Variants in SOX5 observed in about 807,000 individuals in gnomAD.
SOX5 encodes the protein transcription factor SOX-5.
In SOX5, 9 loss-of-function variants were observed where a neutral mutation model predicts 92.0. The ratio of observed to expected loss-of-function variants is 0.10; its 90% CI spans 0.06 to 0.17. The LOEUF (loss-of-function observed/expected upper bound fraction) is 0.17, where lower values mean the gene tolerates loss of function less well. SOX5 is among the 10% of genes least tolerant of loss of function. The pLI, the probability that SOX5 is intolerant of heterozygous loss-of-function variation, is 1.00. For synonymous variants in SOX5, 344 were observed against 336.3 expected, an observed-to-expected ratio of 1.02 and a Z score of -0.25; for missense variants, 642 against 944.5, an observed-to-expected ratio of 0.68 and a Z score of 4.20.
At chr12:24,486,898 TC>T (rs2137898359) in intron 1 of SOX5, among the ~76,000 whole-genome samples, 1 of 152,218 alleles carries the variant, frequency 6.6e-6, no homozygotes, top group East Asian at 1.9e-4. Context: ...TTGATGTTGA[TC>T]CCAGTAGCAA....
chr12:24,451,118 ACAGG>A (rs1450536871), intron 1 of SOX5, among the ~76,000 whole-genome samples: 1 of 152,246 alleles, frequency 6.6e-6, no homozygotes, highest in Admixed American at 6.5e-5. Flanking sequence ...GCTGCAAATG[ACAGG>A]ATCTCATCCT....
chr12:23,798,991 G>A (rs912021736), intron 3 of SOX5, among the ~76,000 whole-genome samples: 9 of 151,942 alleles, frequency 5.9e-5, no homozygotes, highest in Non-Finnish European at 1.3e-4. Context: ...ATTGGTTCAT[G>A]AAAATTGTCA....
At chr12:23,973,660 A>G (rs1243244437) in intron 4 of SOX5, among the ~76,000 whole-genome samples, 1 of 152,112 alleles carries the variant, frequency 6.6e-6, no homozygotes, top group Admixed American at 6.5e-5. Flanking sequence ...GATATACCAA[A>G]TCCTGTATAC....
At chr12:23,619,785 A>G (rs375054913) in intron 8 of SOX5, among the ~76,000 whole-genome samples, 10 of 152,138 alleles carry the variant, frequency 6.6e-5, no homozygotes, top group East Asian at 3.8e-4. Context: ...TTTCTTCTCA[A>G]TTTGATATGT....
At chr12:24,111,700 A>G (rs1947367126) in intron 4 of SOX5, among the ~76,000 whole-genome samples, 3 of 152,170 alleles carry the variant, frequency 2.0e-5, no homozygotes, top group Admixed American at 2.0e-4. Context: ...TCGTCAAATT[A>G]TCAAAGCTGA....
intron 6 of SOX5, among the ~76,000 whole-genome samples, chr12:23,728,563 T>C (rs2093259678): frequency 6.6e-6 from 1 of 152,192 alleles, no homozygotes; most frequent in Admixed American, 6.6e-5. Flanking sequence ...TGGATTTCCT[T>C]CTGCGTAATA....
rs1054244356 is a variant in SOX5 at position 24,393,037 on chromosome 12, G to T, written c.-250-24398C>A. Among the ~76,000 whole-genome samples the T allele has an allele frequency of 1.3e-5, 2 of 151,932 alleles. No individual in the cohort carries two copies. Among genetic ancestry groups the T allele is most frequent in the Non-Finnish European group, 2.9e-5 (2 of 67,996 alleles). ...ATCAAAGAACAGCAGCATATGAGAG[G>T]CTTCAATCTTGAGTGTGTGGGGGCA... On this transcript the variant is annotated intron_variant, in intron 1 of 4. Transcript: ENST00000446891. This position sits in a 1 kb window ranked among gnomAD's most constrained non-coding sequence, Gnocchi z 5.0.
At chr12:23,731,687 C>T (rs117251948) in intron 6 of SOX5, among the ~76,000 whole-genome samples, 1,608 of 152,240 alleles carry the variant, frequency 0.011, 12 homozygotes, top group Non-Finnish European at 0.018. Flanking sequence ...TCTTATCAAT[C>T]GAATTCACAC....
At chr12:23,813,773 T>C (rs2095926095) in intron 3 of SOX5, among the ~76,000 whole-genome samples, 1 of 152,144 alleles carries the variant, frequency 6.6e-6, no homozygotes, top group South Asian at 2.1e-4. Flanking sequence ...GTCTGTATTT[T>C]AAAACAGTTA....
At chr12:23,991,079 T>C (rs1950509232) in intron 4 of SOX5, among the ~76,000 whole-genome samples, 1 of 151,526 alleles carries the variant, frequency 6.6e-6, no homozygotes, top group Non-Finnish European at 1.5e-5. Flanking sequence ...TAAGGCTGGG[T>C]ATGGTGTCTC....
rs530973358 is a variant in SOX5, at chr12:24,225,572, C to T, written c.-76-12155G>A. Among the ~76,000 whole-genome samples the T allele has an allele frequency of 2.6e-5, 4 of 151,690 alleles. No homozygotes were observed. The East Asian group carries it at 7.7e-4, about 29-fold the overall frequency. ...TTCTTGTCTCCAAAATAGTTAACAC[C>T]AAAAGCACATGCTACACACTCAGGA... On this transcript the variant is annotated intron_variant, in intron 3 of 4. Transcript: ENST00000446891.
At chr12:24,303,683 CA>C (rs1565866057) in intron 2 of SOX5, among the ~76,000 whole-genome samples, 1 of 152,130 alleles carries the variant, frequency 6.6e-6, no homozygotes, top group Non-Finnish European at 1.5e-5. Flanking sequence ...TGCTCAGTAA[CA>C]CATCACATGA....
chr12:24,151,179 G>A (rs1410252561), intron 4 of SOX5, among the ~76,000 whole-genome samples: 1 of 152,100 alleles, frequency 6.6e-6, no homozygotes, highest in Non-Finnish European at 1.5e-5. Context: ...GACGAACTGG[G>A]AAAATCGGGA....
intron 3 of SOX5, among the ~76,000 whole-genome samples, chr12:23,815,403 T>TAATCAACACCAATAATAA (rs2095969930): frequency 1.3e-5 from 2 of 152,304 alleles, no homozygotes; most frequent in South Asian, 4.1e-4. Context: ...AACAACAACC[T>TAATCAACACCAATAATAA]TTTTTAAAAT....
At chr12:23,734,785 G>C (rs762788887) in intron 5 of SOX5, 33 bp from the exon 6 acceptor site, 18 of 1,548,996 alleles carry the variant, frequency 1.2e-5, no homozygotes, top group Non-Finnish European at 1.4e-5. Context: ...AAATTTACAA[G>C]TATATTGTAG....
At chr12:23,874,740 GGGAT>G (rs1475020806) in intron 2 of SOX5, among the ~76,000 whole-genome samples, 1 of 152,116 alleles carries the variant, frequency 6.6e-6, no homozygotes, top group Admixed American at 6.5e-5. Context: ...CTCTCATGGA[GGGAT>G]ATTTAAACCT....
At chr12:24,018,343 T>G (rs1953901943) in intron 4 of SOX5, among the ~76,000 whole-genome samples, 1 of 152,222 alleles carries the variant, frequency 6.6e-6, no homozygotes, top group Admixed American at 6.5e-5. Flanking sequence ...GCTGAATATA[T>G]TTTAGGAAAG....
chr12:24,183,202 A>T (rs1453494161), intron 4 of SOX5, among the ~76,000 whole-genome samples: 1 of 152,182 alleles, frequency 6.6e-6, no homozygotes, highest in Non-Finnish European at 1.5e-5. Flanking sequence ...ATGTTTAGGC[A>T]ATCTTTTTAA....
intron 4 of SOX5, among the ~76,000 whole-genome samples, chr12:24,108,044 A>C (rs1032717132): frequency 6.6e-6 from 1 of 152,168 alleles, no homozygotes; most frequent in Admixed American, 6.5e-5. Flanking sequence ...TATTAAAGAG[A>C]ACTTGCTAAT....
Sources: allele counts gnomAD v4.1 joint callset (sites outside exome capture counted in the v4.1 genomes callset), GRCh38; gene constraint gnomAD v4.1.1; non-coding constraint Gnocchi (gnomAD v3.1); transcripts MANE v1.5; gene names NCBI Gene and HGNC (gene_info 2026-07-23, HGNC 2026-07-21).